Variants in MBD5 observed in about 807,000 individuals in gnomAD.
MBD5 encodes methyl-CpG binding domain protein 5, also known as methyl-CpG-binding domain protein 5.
Under a neutral mutation model 117.3 loss-of-function variants are expected in MBD5, and 13 were observed. The ratio of observed to expected loss-of-function variants is 0.11; its 90% CI spans 0.07 to 0.18. The LOEUF is 0.18. MBD5 is among the 10% of genes least tolerant of loss of function. MBD5 has a pLI of 1.00. For synonymous variants in MBD5, 727 were observed against 766.4 expected (o/e 0.95, Z 0.85); for missense variants, 1,879 against 2,093.8 (o/e 0.90, Z 2.00).
intron 3 of MBD5, among the ~76,000 whole-genome samples, chr2:148,258,619 G>A (rs112386112): frequency 6.6e-6 from 1 of 152,302 alleles, no homozygotes; most frequent in African/African-American, 2.4e-5. Flanking sequence ...TAAAGCACCC[G>A]GGTGGGACCG....
intron 1 of MBD5, among the ~76,000 whole-genome samples, chr2:148,174,795 T>C (rs1698343826): frequency 6.9e-6 from 1 of 145,796 alleles, no homozygotes; most frequent in Non-Finnish European, 1.5e-5. Flanking sequence ...AAAAAAAAAA[T>C]ACAAAAGATA....
intron 3 of MBD5, among the ~76,000 whole-genome samples, chr2:148,282,637 G>A (rs1701275424): frequency 6.6e-6 from 1 of 151,682 alleles, no homozygotes; most frequent in East Asian, 1.9e-4. Context: ...CTCGTACAGT[G>A]GAGTTGCATG....
intron 1 of MBD5, among the ~76,000 whole-genome samples, chr2:148,120,704 C>T (rs773054788): frequency 6.6e-6 from 1 of 152,174 alleles, no homozygotes; most frequent in East Asian, 1.9e-4. Context: ...ATTTTCTCTG[C>T]ATAAATCATG....
At chr2:148,257,509 C>G (rs191549684) in intron 3 of MBD5, among the ~76,000 whole-genome samples, 1 of 152,280 alleles carries the variant, frequency 6.6e-6, no homozygotes, top group African/African-American at 2.4e-5. Flanking sequence ...CCAGATAACT[C>G]CCAAGAATTT....
intron 1 of MBD5, chr2:148,071,639 A>G (rs1695361720): frequency 1.3e-5 from 2 of 152,220 alleles, no homozygotes. Context: ...AATCCAGATC[A>G]TTAAAAGAAA....
intron 1 of MBD5, among the ~76,000 whole-genome samples, chr2:148,098,843 G>A (rs1696131336): frequency 6.6e-6 from 1 of 152,024 alleles, no homozygotes; most frequent in Non-Finnish European, 1.5e-5. Flanking sequence ...TTGAACCCAG[G>A]AGTTCAAGAC....
intron 1 of MBD5, among the ~76,000 whole-genome samples, chr2:148,141,752 A>G (rs1697318590): frequency 6.6e-6 from 1 of 151,732 alleles, no homozygotes; most frequent in Admixed American, 6.6e-5. Flanking sequence ...GTAAACATGC[A>G]CTGAAGTCCA....
chr2:148,447,206 A>AGAAAGAAAGAAAGAAAGAAAGAAAGAAG (rs1706579623), intron 4 of MBD5, among the ~76,000 whole-genome samples: 1 of 12,164 alleles, frequency 8.2e-5, no homozygotes, highest in African/African-American at 1.0e-4. Context: ...AAAGAAAGAA[A>AGAAAGAAAGAAAGAAAGAAAGAAAGAAG]GAAAGAAAGA....
At chr2:148,149,556 A>G (rs1397074661) in intron 1 of MBD5, among the ~76,000 whole-genome samples, 1 of 151,348 alleles carries the variant, frequency 6.6e-6, no homozygotes, top group African/African-American at 2.4e-5. Context: ...AGTCCCACCA[A>G]CAGTGTAAAA....
At chr2:148,097,533 C>A (rs1696099962) in intron 1 of MBD5, among the ~76,000 whole-genome samples, 1 of 152,162 alleles carries the variant, frequency 6.6e-6, no homozygotes, top group Non-Finnish European at 1.5e-5. Flanking sequence ...TATTAGGTGG[C>A]CCTTATCCAT....
At chr2:148,241,072 C>T (rs1700206973) in intron 3 of MBD5, among the ~76,000 whole-genome samples, 1 of 151,752 alleles carries the variant, frequency 6.6e-6, no homozygotes, top group Non-Finnish European at 1.5e-5. Context: ...GCTGCTCTTT[C>T]TGTGGACTTT....
chr2:148,286,099 A>G (rs145802965), intron 3 of MBD5, among the ~76,000 whole-genome samples: 85 of 152,296 alleles, frequency 5.6e-4, no homozygotes, highest in African/African-American at 1.8e-3. Context: ...TATTGTGACT[A>G]AAGTGTTTGT....
chr2:148,107,412 G>GT (rs879920938), intron 1 of MBD5, among the ~76,000 whole-genome samples: 58 of 150,882 alleles, frequency 3.8e-4, no homozygotes, highest in East Asian at 9.7e-4. Context: ...TTTGAATTGA[G>GT]TTTTTTTTTA....
intron 1 of MBD5, among the ~76,000 whole-genome samples, chr2:148,158,924 G>A (rs1309871518): frequency 2.0e-5 from 3 of 152,086 alleles, no homozygotes; most frequent in Non-Finnish European, 4.4e-5. Flanking sequence ...GGGTTTCATC[G>A]TGTTAGCCAG....
At chr2:148,424,206 A>AC (rs1705705594) in intron 4 of MBD5, among the ~76,000 whole-genome samples, 5 of 145,504 alleles carry the variant, frequency 3.4e-5, no homozygotes, top group African/African-American at 1.3e-4. Flanking sequence ...AAAAAAAAAA[A>AC]AAAAAAAAAA....
chr2:148,503,361 C>T (rs1016745090), intron 12 of MBD5, among the ~76,000 whole-genome samples: 17 of 152,242 alleles, frequency 1.1e-4, no homozygotes, highest in African/African-American at 3.6e-4. Context: ...TATGTATTGT[C>T]GTCTTTCTAA....
At chr2:148,322,714 G>T (rs1702315460) in intron 3 of MBD5, among the ~76,000 whole-genome samples, 1 of 152,050 alleles carries the variant, frequency 6.6e-6, no homozygotes. Context: ...ACACATGTTA[G>T]TTTCATCAGA....
At chr2:148,293,995 G>T (rs1031750965) in intron 3 of MBD5, among the ~76,000 whole-genome samples, 2 of 152,146 alleles carry the variant, frequency 1.3e-5, no homozygotes, top group Admixed American at 1.3e-4. Flanking sequence ...TGCATTCATT[G>T]TATCTTTTAT....
chr2:148,040,376 T>C (rs1192001786), intron 1 of MBD5, among the ~76,000 whole-genome samples: 1 of 152,018 alleles, frequency 6.6e-6, no homozygotes, highest in Non-Finnish European at 1.5e-5. Flanking sequence ...GTAGATAATA[T>C]CTTCTTTAAA....
Sources: allele counts gnomAD v4.1 joint callset (sites outside exome capture counted in the v4.1 genomes callset), GRCh38; gene constraint gnomAD v4.1.1; transcripts MANE v1.5; gene names NCBI Gene and HGNC (gene_info 2026-07-23, HGNC 2026-07-21).